The following FRMD3 variants were observed in gnomAD, a reference collection of about 807,000 sequenced individuals.
FRMD3 encodes the protein FERM domain-containing protein 3.
Under a neutral mutation model 70.2 loss-of-function variants are expected in FRMD3, and 33 were observed. The ratio of observed to expected loss-of-function variants is 0.47; its 90% confidence interval spans 0.36 to 0.63. FRMD3 has a LOEUF of 0.63. Ranked by LOEUF, FRMD3 falls within the 20% of genes least tolerant of loss-of-function variation. FRMD3 has a pLI of 0.00. For missense variants in FRMD3, 632 were observed against 711.4 expected (o/e 0.89, Z 1.27); for synonymous variants, 279 against 255.9 (o/e 1.09, Z -0.86).
Position 83,247,054 on chromosome 9 carries a change from A to T in FRMD3, c.*864T>A. 2 of 985,388 alleles carry T rather than the reference A, an allele frequency of 2.0e-6. No individual in the cohort carries two copies. The highest frequency in any genetic ancestry group is 2.4e-6 in the Non-Finnish European group (2 of 829,926). The allele number at this position is 985,388 out of a possible 1,614,324, so 61.0% of individuals were successfully genotyped here. A position where few individuals can be genotyped will look rare whatever the true frequency, so the allele number is the denominator to read the frequency against. ...TAAACTCTCACTTTCTTTTTAAAAC[A>T]TCTGCTTCTCCAGCCAAAATATACG... On this transcript the variant is annotated 3_prime_UTR_variant, in exon 14 of 14. Coordinates refer to ENST00000304195, the MANE Select transcript of FRMD3 (RefSeq NM_174938.6).
chr9:83,343,312 C>A, intron 4 of FRMD3, 25 bp from the exon 5 acceptor site: 1 of 1,517,708 alleles, frequency 6.6e-7, no homozygotes, highest in South Asian at 1.1e-5. Flanking sequence ...GAGAAATGGT[C>A]ACTCTAACTT....
chr9:83,295,606 T>A (rs1271399389), intron 12 of FRMD3, among the ~76,000 whole-genome samples: 4 of 152,208 alleles, frequency 2.6e-5, no homozygotes, highest in Non-Finnish European at 5.9e-5. Flanking sequence ...ACGCTGATGA[T>A]CTGAGAAGTG....
chr9:83,362,532 C>T (rs1824624804), intron 3 of FRMD3, among the ~76,000 whole-genome samples: 2 of 152,152 alleles, frequency 1.3e-5, no homozygotes, highest in East Asian at 3.9e-4. Flanking sequence ...TCCAAGCACC[C>T]CTGCCCCTTC....
At chr9:83,316,312 C>T (rs2131071542) in intron 6 of FRMD3, among the ~76,000 whole-genome samples, 1 of 152,072 alleles carries the variant, frequency 6.6e-6, no homozygotes, top group Non-Finnish European at 1.5e-5. Context: ...GTGCCCGCCA[C>T]CACACCCAGC....
At chr9:83,526,574 GC>G (rs1226773653) in intron 1 of FRMD3, among the ~76,000 whole-genome samples, 2 of 152,126 alleles carry the variant, frequency 1.3e-5, no homozygotes, top group African/African-American at 2.4e-5. Flanking sequence ...ACTTACTGAT[GC>G]CCCAGCCTGC....
At chr9:83,401,631 C>T (rs1444099187) in intron 1 of FRMD3, among the ~76,000 whole-genome samples, 2 of 152,190 alleles carry the variant, frequency 1.3e-5, no homozygotes, top group Admixed American at 1.3e-4. Flanking sequence ...GAGAATTCTG[C>T]TCCTAATCTC....
chr9:83,309,679 C>A, intron 9 of FRMD3, 55 bp from the exon 10 acceptor site: 1 of 1,178,200 alleles, frequency 8.5e-7, no homozygotes, highest in Non-Finnish European at 1.2e-6. Context: ...TTTACATTTT[C>A]CATGGGTTTT....
intron 13 of FRMD3, among the ~76,000 whole-genome samples, chr9:83,276,991 CCCAG>C (rs1160900229): frequency 6.6e-6 from 1 of 151,666 alleles, no homozygotes; most frequent in Non-Finnish European, 1.5e-5. Context: ...AGCCACCGCA[CCCAG>C]CCAAATTATC....
chr9:83,476,381 CTCAAAAA>C (rs1564095134), intron 1 of FRMD3, among the ~76,000 whole-genome samples: 1 of 109,252 alleles, frequency 9.2e-6, no homozygotes, highest in African/African-American at 3.5e-5. Flanking sequence ...AAGACTCTCT[CTCAAAAA>C]AAAAAAAAAA....
intron 12 of FRMD3, among the ~76,000 whole-genome samples, chr9:83,291,830 C>G (rs953820130): frequency 3.9e-5 from 6 of 152,182 alleles, no homozygotes; most frequent in Non-Finnish European, 8.8e-5. Context: ...TCAGCCTGGT[C>G]AGAGTGTTCC....
intron 2 of FRMD3, 128 bp from the exon 3 acceptor site, chr9:83,373,083 A>C: frequency 1.4e-6 from 1 of 723,650 alleles, no homozygotes; most frequent in Non-Finnish European, 2.4e-6. Flanking sequence ...AGAATTCCAC[A>C]CTCTGAAGAC....
At chr9:83,438,924 T>G (rs1205398773) in intron 1 of FRMD3, among the ~76,000 whole-genome samples, 1 of 152,180 alleles carries the variant, frequency 6.6e-6, no homozygotes, top group East Asian at 1.9e-4. Flanking sequence ...GCCGTAGGTC[T>G]CTCTCCAGAG....
chr9:83,535,646 C>T (rs1193635693), intron 1 of FRMD3, among the ~76,000 whole-genome samples: 1 of 151,630 alleles, frequency 6.6e-6, no homozygotes, highest in African/African-American at 2.4e-5. Context: ...CATCAGCTAT[C>T]GTTAGCGTTA....
chr9:83,534,319 T>C (rs1179943984), intron 1 of FRMD3, among the ~76,000 whole-genome samples: 1 of 152,238 alleles, frequency 6.6e-6, no homozygotes, highest in African/African-American at 2.4e-5. Context: ...ACATCTCTTA[T>C]TGGAACTGAC....
chr9:83,484,424 C>A (rs570423214), intron 1 of FRMD3, among the ~76,000 whole-genome samples: 53 of 152,038 alleles, frequency 3.5e-4, no homozygotes, highest in Non-Finnish European at 5.3e-4. Context: ...CAATTTTTTT[C>A]TTTTTGTGTG....
intron 12 of FRMD3, among the ~76,000 whole-genome samples, chr9:83,292,625 T>C (rs1834479567): frequency 6.6e-6 from 1 of 152,138 alleles, no homozygotes; most frequent in South Asian, 2.1e-4. Flanking sequence ...CTTTATTTCA[T>C]AACTACCCCC....
intron 3 of FRMD3, among the ~76,000 whole-genome samples, chr9:83,365,056 T>C (rs1824744634): frequency 6.6e-6 from 1 of 152,218 alleles, no homozygotes; most frequent in Non-Finnish European, 1.5e-5. Flanking sequence ...CTTTAATTGC[T>C]ATAGCTCACA....
chr9:83,321,604 T>C (rs747831013), intron 6 of FRMD3, among the ~76,000 whole-genome samples: 2 of 151,788 alleles, frequency 1.3e-5, no homozygotes, highest in Non-Finnish European at 2.9e-5. Context: ...TACTATATGG[T>C]CTATCTTGGA....
At chr9:83,444,427 G>C (rs1827396441) in intron 1 of FRMD3, among the ~76,000 whole-genome samples, 1 of 152,224 alleles carries the variant, frequency 6.6e-6, no homozygotes, top group South Asian at 2.1e-4. Flanking sequence ...ATTCATGCCA[G>C]GAATAAGCTA....
Sources: gnomAD v4.1 joint callset for allele counts (sites outside exome capture counted in the v4.1 genomes callset) on GRCh38, gnomAD v4.1.1 for gene constraint, MANE v1.5 for transcripts, NCBI Gene and HGNC (gene_info 2026-07-23, HGNC 2026-07-21) for gene names.